Variants in UGGT1 observed in about 807,000 individuals in gnomAD.
UGGT1 encodes the protein UDP-glucose glycoprotein glucosyltransferase 1.
Under a neutral mutation model 203.9 loss-of-function variants are expected in UGGT1, and 107 were observed. The observed-to-expected ratio is 0.52, with a 90% CI of 0.45 to 0.62. The LOEUF is 0.62. UGGT1 is among the 20% of genes least tolerant of loss of function. UGGT1 has a pLI of 0.00. For missense variants in UGGT1, 1,673 were observed against 1,867.2 expected (o/e 0.90, Z 1.92); for synonymous variants, 628 against 653.5 (o/e 0.96, Z 0.59).
intron 13 of UGGT1, among the ~76,000 whole-genome samples, chr2:128,130,466 G>A (rs1688820727): frequency 6.6e-6 from 1 of 152,062 alleles, no homozygotes; most frequent in Non-Finnish European, 1.5e-5. Context: ...TTATTTTGAT[G>A]AAGACATTGT....
Position 128,091,297 on chromosome 2 carries a change from C to G in UGGT1, c.-61C>G, listed in dbSNP as rs1171684422. ...GCGCAGCCTGCACTGCCGCTGCCGC[C>G]TCGCCCCGCCCTGCCCTGGCGTTGT... On this transcript the variant is annotated 5_prime_UTR_variant, in exon 1 of 41. Transcript: ENST00000259253. The G allele has an allele frequency of 6.8e-7, 1 of 1,476,540 alleles. No individual in the cohort carries two copies. Among genetic ancestry groups the G allele is most frequent in the Non-Finnish European group, 9.0e-7 (1 of 1,109,450 alleles). The allele number at this position is 1,476,540 out of a possible 1,614,324, so 91.5% of individuals were successfully genotyped here.
At position 128,195,593 on chromosome 2, in the gene UGGT1, G is replaced by A. The variant is rs975583532; in HGVS notation, c.*5851G>A. 6.6e-6 allele frequency: 1 copy of A among 152,164 alleles called. No individual in the cohort carries two copies. The highest frequency in any genetic ancestry group is 1.5e-5 in the Non-Finnish European group (1 of 68,024). 9.4% of individuals were successfully genotyped at this position (152,164 alleles called of 1,614,324 possible). A position where few individuals can be genotyped will look rare whatever the true frequency, so the allele number is the denominator to read the frequency against. ...AAATGTCTGCAGAATCTCTGCGTTC[G>A]AAGGGAATTGAGAATGAACTTCCTG... On this transcript the variant is annotated 3_prime_UTR_variant, in exon 41 of 41. Transcript: ENST00000259253.
intron 2 of UGGT1, among the ~76,000 whole-genome samples, chr2:128,098,469 C>T (rs964342683): frequency 2.6e-5 from 4 of 152,046 alleles, no homozygotes; most frequent in East Asian, 1.9e-4. Context: ...AATGATAAAA[C>T]GGTGGCTAGG....
intron 1 of UGGT1, among the ~76,000 whole-genome samples, chr2:128,096,067 G>T (rs1216594518): frequency 1.3e-5 from 2 of 152,172 alleles, no homozygotes; most frequent in African/African-American, 4.8e-5. Flanking sequence ...GAAAATCAGA[G>T]AAATCTGCAG....
chr2:128,170,526 C>A, intron 27 of UGGT1, 136 bp downstream of exon 27: 2 of 669,530 alleles, frequency 3.0e-6, no homozygotes, highest in Non-Finnish European at 5.1e-6. Flanking sequence ...TAGGGCAGAG[C>A]AATCTTTACA....
At chr2:128,159,847 T>C (rs574108811) in intron 23 of UGGT1, 127 bp downstream of exon 23, 69 of 989,480 alleles carry the variant, frequency 7.0e-5, no homozygotes, top group Non-Finnish European at 9.8e-5. Flanking sequence ...GGGAATTTTT[T>C]TTTTTAATTT....
At position 128,097,422 on chromosome 2, in the gene UGGT1, C is replaced by A. The variant is rs774333402; in HGVS notation, c.59-7C>A. The A allele has an allele frequency of 5.0e-6, 8 of 1,589,210 alleles. No homozygotes were observed. The African/African-American group carries it at 8.2e-5, about 16-fold the overall frequency. On this transcript the variant is annotated splice_region_variant and splice_polypyrimidine_tract_variant and intron_variant, in intron 1 of 40. Coordinates refer to ENST00000259253, the MANE Select transcript of UGGT1 (RefSeq NM_020120.4). Reference sequence around the variant, plus strand: ...TAGCAAAACTTCTTTTCTTTTTTTCCTTTTAGGAGTTTGCTATAAAATGGG... The same window carrying A: ...TAGCAAAACTTCTTTTCTTTTTTTCATTTTAGGAGTTTGCTATAAAATGGG...
At chr2:128,099,305 G>T (rs929908392) in intron 2 of UGGT1, among the ~76,000 whole-genome samples, 2 of 151,898 alleles carry the variant, frequency 1.3e-5, no homozygotes, top group African/African-American at 4.8e-5. Context: ...CACTACCCCT[G>T]GCTTATTTTT....
chr2:128,179,965 TTTTCC>T, intron 35 of UGGT1, 95 bp downstream of exon 35: 1 of 1,127,128 alleles, frequency 8.9e-7, no homozygotes, highest in Non-Finnish European at 1.3e-6. Context: ...CTTTAGCAAA[TTTTCC>T]ATTTACTAAG....
chr2:128,093,991 G>T (rs957786400), intron 1 of UGGT1, among the ~76,000 whole-genome samples: 4 of 152,148 alleles, frequency 2.6e-5, no homozygotes, highest in African/African-American at 9.7e-5. Context: ...ACAATGTTTA[G>T]CTCAGAGTCA....
chr2:128,184,364 T>C (rs1691867130), intron 38 of UGGT1, among the ~76,000 whole-genome samples: 1 of 152,220 alleles, frequency 6.6e-6, no homozygotes, highest in South Asian at 2.1e-4. Flanking sequence ...TAAATGTTTT[T>C]AAACCTTTAT....
In UGGT1 at chr2:128,194,957, C is replaced by G. The variant is rs1692446684; in HGVS notation, c.*5215C>G. The G allele has an allele frequency of 6.6e-6, 1 of 152,224 alleles. No homozygotes were observed. The highest frequency in any genetic ancestry group is 6.5e-5 in the Admixed American group (1 of 15,280). 9.4% of individuals were successfully genotyped at this position (152,224 alleles called of 1,614,324 possible). A position where few individuals can be genotyped will look rare whatever the true frequency, so the allele number is the denominator to read the frequency against. ...TGAATTGAGTAGAGGGTCCCATTCCCTCAGGCTGTCATTGATCAGTGACAA... is the reference window on the plus strand; with the variant it reads ...TGAATTGAGTAGAGGGTCCCATTCCGTCAGGCTGTCATTGATCAGTGACAA... On this transcript the variant is annotated 3_prime_UTR_variant, in exon 41 of 41. Coordinates refer to ENST00000259253, the MANE Select transcript of UGGT1 (RefSeq NM_020120.4).
At chr2:128,184,193 A>C (rs1297914756) in intron 38 of UGGT1, among the ~76,000 whole-genome samples, 3 of 152,194 alleles carry the variant, frequency 2.0e-5, no homozygotes, top group Non-Finnish European at 2.9e-5. Context: ...GTATAGTATC[A>C]CAGCTTCCCC....
At chr2:128,171,709 T>C (rs1027056203) in intron 28 of UGGT1, among the ~76,000 whole-genome samples, 1 of 152,202 alleles carries the variant, frequency 6.6e-6, no homozygotes, top group Non-Finnish European at 1.5e-5. Context: ...GGTTTCACCA[T>C]GTTGACCAGC....
intron 26 of UGGT1, among the ~76,000 whole-genome samples, chr2:128,165,253 C>A (rs1690731057): frequency 2.0e-5 from 3 of 152,166 alleles, no homozygotes; most frequent in Admixed American, 1.3e-4. Flanking sequence ...GAGACCCTGT[C>A]TCTACAAAAA....
At chr2:128,105,241 T>A (rs1687551846) in intron 3 of UGGT1, among the ~76,000 whole-genome samples, 2 of 147,570 alleles carry the variant, frequency 1.4e-5, no homozygotes, top group African/African-American at 5.3e-5. Context: ...TTAAAAATTG[T>A]CTGAATCTTT....
chr2:128,188,296 A>G, intron 40 of UGGT1, among the ~76,000 whole-genome samples: 1 of 152,064 alleles, frequency 6.6e-6, no homozygotes, highest in East Asian at 1.9e-4. Flanking sequence ...CGCCCGCCTC[A>G]GCCTCCCAAA....
chr2:128,101,208 C>T (rs1049593814), intron 2 of UGGT1, among the ~76,000 whole-genome samples: 1 of 152,214 alleles, frequency 6.6e-6, no homozygotes, highest in Non-Finnish European at 1.5e-5. Flanking sequence ...GCCCACCATT[C>T]TTCCTTCTTA....
Position 128,103,584 on chromosome 2 carries a change from C to G in UGGT1, c.195-348C>G, listed in dbSNP as rs532798776. Among the ~76,000 whole-genome samples the G allele has an allele frequency of 7.9e-5, 12 of 152,226 alleles. No homozygotes were observed. The East Asian group carries it at 2.3e-3, about 29-fold the overall frequency. On this transcript the variant is annotated intron_variant, in intron 2 of 40. Transcript: ENST00000259253. ...AAGTAAGCAGAACTAGTACTAGAAT[C>G]ATCAGTTCCTAATTCTTCTTCCACT...
Sources: allele counts gnomAD v4.1 joint callset (sites outside exome capture counted in the v4.1 genomes callset), GRCh38; gene constraint gnomAD v4.1.1; transcripts MANE v1.5; gene names NCBI Gene and HGNC (gene_info 2026-07-23, HGNC 2026-07-21).